Variants in ENPP3 observed in about 807,000 individuals in gnomAD.
ENPP3 encodes ectonucleotide pyrophosphatase/phosphodiesterase family member 3.
In ENPP3, 104 loss-of-function variants were observed where a neutral mutation model predicts 117.8. That is an observed-to-expected ratio of 0.88 (90% CI 0.75 to 1.04). The LOEUF (loss-of-function observed/expected upper bound fraction) is 1.04, where lower values mean the gene tolerates loss of function less well. ENPP3 is among the 50% of genes least tolerant of loss of function. The pLI is 0.00. For missense variants in ENPP3, 1,026 were observed against 1,051.9 expected (o/e 0.98, Z 0.34); for synonymous variants, 380 against 349.9 (o/e 1.09, Z -0.96).
intron 12 of ENPP3, among the ~76,000 whole-genome samples, chr6:131,684,239 C>T (rs1585664570): frequency 6.6e-6 from 1 of 152,036 alleles, no homozygotes; most frequent in Admixed American, 6.6e-5. Context: ...AACTTTTGGT[C>T]GTATTTTAGA....
At chr6:131,644,469 G>A (rs1778115895) in intron 2 of ENPP3, among the ~76,000 whole-genome samples, 1 of 152,200 alleles carries the variant, frequency 6.6e-6, no homozygotes, top group African/African-American at 2.4e-5. Flanking sequence ...GATCTATTTT[G>A]ATGGGGTAGA....
chr6:131,726,893 G>T (rs1463395870), intron 20 of ENPP3, among the ~76,000 whole-genome samples: 1 of 152,108 alleles, frequency 6.6e-6, no homozygotes, highest in Non-Finnish European at 1.5e-5. Context: ...AATTTCTGGT[G>T]GATTTGTAGA....
At chr6:131,639,266 T>TATATATATATATATATA (rs1454993724) in intron 1 of ENPP3, among the ~76,000 whole-genome samples, 7 of 60,496 alleles carry the variant, frequency 1.2e-4, no homozygotes, top group African/African-American at 7.3e-4. Context: ...TATATATATA[T>TATATATATATATATATA]TTTTTTTTTT....
At chr6:131,716,433 TAGG>T (rs1779888791) in intron 15 of ENPP3, among the ~76,000 whole-genome samples, 1 of 152,032 alleles carries the variant, frequency 6.6e-6, no homozygotes, top group Admixed American at 6.5e-5. Context: ...TGAGCTGGAT[TAGG>T]AGATGGAAAT....
At chr6:131,674,532 T>C in intron 8 of ENPP3, 1 of 501,446 alleles carries the variant, frequency 2.0e-6, no homozygotes, top group Non-Finnish European at 3.6e-6. Flanking sequence ...CTCAGAAAGA[T>C]TATCTGTTAA....
chr6:131,725,582 G>C (rs1780138146), intron 19 of ENPP3, among the ~76,000 whole-genome samples: 1 of 152,058 alleles, frequency 6.6e-6, no homozygotes, highest in Non-Finnish European at 1.5e-5. Flanking sequence ...ACGTTTTAGA[G>C]ACACATAAAC....
intron 11 of ENPP3, among the ~76,000 whole-genome samples, chr6:131,678,329 T>C (rs1018971453): frequency 1.1e-4 from 16 of 152,238 alleles, no homozygotes; most frequent in African/African-American, 3.9e-4. Context: ...GGCTGTCTAC[T>C]CCCCGACAGT....
At chr6:131,689,147 T>C (rs1779223689) in intron 14 of ENPP3, among the ~76,000 whole-genome samples, 3 of 152,218 alleles carry the variant, frequency 2.0e-5, no homozygotes, top group South Asian at 4.1e-4. Flanking sequence ...TGTGGTGACA[T>C]AGAAGCTGCA....
At position 131,641,438 on chromosome 6, in the gene ENPP3, T is replaced by G; in HGVS notation, c.79-17T>G. 6.3e-7 allele frequency: 1 copy of G among 1,584,152 alleles called. No individual in the cohort carries two copies. ...TTTTAAAAAATTATAAAAGTTACTT[T>G]TTCCTTTTTGCAATAGGTTCTTCTT... On this transcript the variant is annotated splice_polypyrimidine_tract_variant and intron_variant, in intron 1 of 24. Transcript: ENST00000357639.
rs747888819 is a variant in ENPP3 at position 131,733,599 on chromosome 6, G to A, written c.1965G>A (p.Ser655=). 10 of 1,612,320 alleles carry A rather than the reference G, an allele frequency of 6.2e-6. No individual in the cohort carries two copies. In the East Asian group the frequency reaches 6.7e-5, roughly 11 times the overall value. Residue 655 remains serine, a synonymous_variant, in exon 21 of 25, where the codon TCG becomes TCA. Transcript: ENST00000357639. ...SYTVPQLGDT[S]PLPPTVPDCL... ...CTCTCTTTGAACAGGGAGACACATCGCCTCTGCCTCCCACTGTCCCAGACT... is the reference window on the plus strand; with the variant it reads ...CTCTCTTTGAACAGGGAGACACATCACCTCTGCCTCCCACTGTCCCAGACT...
intron 21 of ENPP3, 56 bp from the exon 22 acceptor site, chr6:131,737,299 C>A (rs2114569795): frequency 1.0e-6 from 1 of 1,004,226 alleles, no homozygotes; most frequent in East Asian, 2.4e-5. Context: ...GCCTGTTGTG[C>A]AGTATGTCAT....
intron 20 of ENPP3, among the ~76,000 whole-genome samples, chr6:131,732,098 T>C (rs1780293948): frequency 6.6e-6 from 1 of 152,242 alleles, no homozygotes; most frequent in Non-Finnish European, 1.5e-5. Context: ...ACAACATAGC[T>C]AATTTTGCTT....
chr6:131,678,832 G>A (rs1778928372), intron 11 of ENPP3, among the ~76,000 whole-genome samples: 1 of 152,124 alleles, frequency 6.6e-6, no homozygotes, highest in Non-Finnish European at 1.5e-5. Context: ...AGAATTGTAT[G>A]CCTTTTCAGG....
At chr6:131,651,771 A>G (rs1778268511) in intron 3 of ENPP3, among the ~76,000 whole-genome samples, 1 of 152,234 alleles carries the variant, frequency 6.6e-6, no homozygotes, top group African/African-American at 2.4e-5. Flanking sequence ...CAGTATAGAT[A>G]GAGATCTGTG....
At chr6:131,740,169 C>A in intron 23 of ENPP3, 55 bp from the exon 24 acceptor site, 1 of 1,379,974 alleles carries the variant, frequency 7.2e-7, no homozygotes, top group Non-Finnish European at 9.7e-7. Flanking sequence ...CACTTATCAC[C>A]TTTAGAAACA....
At chr6:131,640,452 G>A (rs73779841) in intron 1 of ENPP3, among the ~76,000 whole-genome samples, 3,582 of 152,252 alleles carry the variant, frequency 0.024, 139 homozygotes, top group African/African-American at 0.081. Flanking sequence ...TGTTTTCTTA[G>A]TATTGTAACA....
rs1244167349 is a variant in ENPP3 at position 131,716,980 on chromosome 6, T to G, written c.1413-1692T>G. Among the ~76,000 whole-genome samples, 5 of 151,870 alleles carry G rather than the reference T, an allele frequency of 3.3e-5. No homozygotes were observed. The South Asian group carries it at 8.3e-4, about 25-fold the overall frequency. On this transcript the variant is annotated intron_variant, in intron 15 of 24. Transcript: ENST00000357639. ...AGCGAGACTCAGTCTCAAAAATAAATAAATAAATAAATAAAACCTATAGTT... is the reference window on the plus strand; with the variant it reads ...AGCGAGACTCAGTCTCAAAAATAAAGAAATAAATAAATAAAACCTATAGTT...
chr6:131,674,624 G>A (rs1445737789), intron 8 of ENPP3, among the ~76,000 whole-genome samples: 4 of 150,962 alleles, frequency 2.6e-5, no homozygotes. Flanking sequence ...CCAGGCTGGA[G>A]TGCAGTGGTG....
chr6:131,646,686 T>A (rs576234947), intron 2 of ENPP3, among the ~76,000 whole-genome samples: 3 of 151,898 alleles, frequency 2.0e-5, no homozygotes, highest in Non-Finnish European at 4.4e-5. Flanking sequence ...ATGACCTTTT[T>A]TCTTACCTAA....
Sources: allele counts gnomAD v4.1 joint callset (sites outside exome capture counted in the v4.1 genomes callset), GRCh38; gene constraint gnomAD v4.1.1; transcripts MANE v1.5; gene names NCBI Gene and HGNC (gene_info 2026-07-23, HGNC 2026-07-21).